The following GPM6A variants were observed in gnomAD, a reference collection of about 807,000 sequenced individuals.
GPM6A encodes the protein neuronal membrane glycoprotein M6-a.
Under a neutral mutation model 32.1 loss-of-function variants are expected in GPM6A, and 7 were observed. The ratio of observed to expected loss-of-function variants is 0.22; its 90% CI spans 0.12 to 0.41. The LOEUF (loss-of-function observed/expected upper bound fraction) is 0.41, where lower values mean the gene tolerates loss of function less well. Ranked by LOEUF, GPM6A falls within the 10% of genes least tolerant of loss-of-function variation. The pLI, the probability that GPM6A is intolerant of heterozygous loss-of-function variation, is 1.00. For missense variants in GPM6A, 235 were observed against 347.2 expected (o/e 0.68, Z 2.57); for synonymous variants, 130 against 123.4 (o/e 1.05, Z -0.35).
chr4:175,933,048 G>A (rs2126316264), intron 1 of GPM6A, among the ~76,000 whole-genome samples: 1 of 151,698 alleles, frequency 6.6e-6, no homozygotes, highest in South Asian at 2.1e-4. Flanking sequence ...TATATACTTT[G>A]TACAAGAAAT....
intron 1 of GPM6A, among the ~76,000 whole-genome samples, chr4:175,934,914 A>G (rs1329749636): frequency 6.6e-6 from 1 of 152,216 alleles, no homozygotes; most frequent in East Asian, 1.9e-4. Context: ...ATCCTTAAAA[A>G]CAATAATGAT....
chr4:175,709,306 T>C (rs989142013), intron 1 of GPM6A, among the ~76,000 whole-genome samples: 13 of 151,628 alleles, frequency 8.6e-5, no homozygotes, highest in Admixed American at 4.6e-4. Flanking sequence ...TCTGTCTCTC[T>C]CTCTCTCTCT....
intron 1 of GPM6A, among the ~76,000 whole-genome samples, chr4:175,778,597 C>T (rs1733487085): frequency 7.5e-6 from 1 of 133,220 alleles, no homozygotes; most frequent in Admixed American, 8.9e-5. Context: ...TGCACTCCAG[C>T]CTGGCAACAG....
intron 1 of GPM6A, among the ~76,000 whole-genome samples, chr4:175,753,328 T>C (rs980115136): frequency 2.6e-5 from 4 of 152,114 alleles, no homozygotes; most frequent in Non-Finnish European, 1.5e-5. Context: ...AGAAAGAAAT[T>C]ATAAAGATAC....
intron 1 of GPM6A, among the ~76,000 whole-genome samples, chr4:175,945,082 A>C (rs892472390): frequency 6.6e-6 from 1 of 151,832 alleles, no homozygotes; most frequent in African/African-American, 2.4e-5. Flanking sequence ...TTTTTTAAAA[A>C]AAATTATTCA....
intron 1 of GPM6A, among the ~76,000 whole-genome samples, chr4:175,770,359 C>A (rs1217955430): frequency 6.6e-6 from 1 of 152,130 alleles, no homozygotes; most frequent in Non-Finnish European, 1.5e-5. Flanking sequence ...TCTGTGGCTG[C>A]CAGGCTGGCT....
intron 1 of GPM6A, among the ~76,000 whole-genome samples, chr4:175,719,033 T>C (rs1745981446): frequency 2.6e-5 from 4 of 152,186 alleles, no homozygotes; most frequent in Admixed American, 2.6e-4. Flanking sequence ...CTAAGACATT[T>C]GCAGATACAA....
chr4:175,654,706 A>G (rs184161186), intron 3 of GPM6A, among the ~76,000 whole-genome samples: 191 of 152,290 alleles, frequency 1.3e-3, no homozygotes, highest in Non-Finnish European at 2.3e-3. Context: ...CTGAAAGTGA[A>G]GAAATCTTCT....
At chr4:175,825,060 C>G (rs190347776) in intron 1 of GPM6A, among the ~76,000 whole-genome samples, 4 of 152,266 alleles carry the variant, frequency 2.6e-5, no homozygotes, top group African/African-American at 9.6e-5. Context: ...GTATAAATTT[C>G]TAGATACTTT....
intron 1 of GPM6A, among the ~76,000 whole-genome samples, chr4:175,935,517 C>A (rs1382578817): frequency 6.6e-6 from 1 of 152,038 alleles, no homozygotes; most frequent in African/African-American, 2.4e-5. Flanking sequence ...TTTCTAAAAC[C>A]ACTACTGGAA....
In GPM6A at chr4:175,931,667, A is replaced by AATAT. The variant is rs375147884; in HGVS notation, c.-23+70638_-23+70641dup. ...CATTTCTGACAGACATGTGTTAAAAAATATACACACACACACACACACACA... is the reference window on the plus strand; with the variant it reads ...CATTTCTGACAGACATGTGTTAAAAAATATATATACACACACACACACACACACA... On this transcript the variant is annotated intron_variant, in intron 1 of 7. Transcript: ENST00000280187. Among the ~76,000 whole-genome samples the AATAT allele has an allele frequency of 4.2e-3, 552 of 131,666 alleles. 4 individuals carry two copies. Among genetic ancestry groups the AATAT allele is most frequent in the African/African-American group, 0.015 (517 of 34,836 alleles). 86.4% of individuals were successfully genotyped at this position (131,666 alleles called of 152,430 possible). A position where few individuals can be genotyped will look rare whatever the true frequency, so the allele number is the denominator to read the frequency against.
intron 1 of GPM6A, among the ~76,000 whole-genome samples, chr4:175,843,286 T>G (rs1300832458): frequency 1.3e-5 from 2 of 152,228 alleles, no homozygotes; most frequent in African/African-American, 4.8e-5. Flanking sequence ...TATCATTAAC[T>G]TTGGTTTCTC....
chr4:175,729,850 GTA>G (rs1731339999), intron 1 of GPM6A, among the ~76,000 whole-genome samples: 1 of 143,404 alleles, frequency 7.0e-6, no homozygotes, highest in African/African-American at 2.5e-5. Context: ...TGTATTTAAT[GTA>G]TATATGTATT....
chr4:175,892,737 A>G (rs1737685380), intron 1 of GPM6A, among the ~76,000 whole-genome samples: 1 of 152,194 alleles, frequency 6.6e-6, no homozygotes, highest in Non-Finnish European at 1.5e-5. Flanking sequence ...TGAATATACA[A>G]GAATCATCTT....
intron 1 of GPM6A, among the ~76,000 whole-genome samples, chr4:175,860,596 G>C (rs1560968589): frequency 1.3e-5 from 2 of 152,108 alleles, no homozygotes; most frequent in African/African-American, 4.8e-5. Flanking sequence ...GCGTAGCACA[G>C]AATGAAAATA....
At chr4:175,638,355 G>A (rs988337574) in intron 6 of GPM6A, among the ~76,000 whole-genome samples, 1 of 151,816 alleles carries the variant, frequency 6.6e-6, no homozygotes, top group South Asian at 2.1e-4. Flanking sequence ...GAAATACTTA[G>A]GTCAATCATT....
intron 1 of GPM6A, among the ~76,000 whole-genome samples, chr4:175,915,050 T>C (rs1322999687): frequency 6.6e-6 from 1 of 152,186 alleles, no homozygotes; most frequent in Non-Finnish European, 1.5e-5. Context: ...TTGACTGTTA[T>C]TTCTTTCCCA....
intron 1 of GPM6A, among the ~76,000 whole-genome samples, chr4:175,779,355 C>T (rs1309578861): frequency 1.3e-5 from 2 of 152,186 alleles, no homozygotes; most frequent in Non-Finnish European, 2.9e-5. Context: ...GTATACTAGA[C>T]ATCCTCCTCA....
chr4:175,816,358 CA>C (rs1453885601), upstream of GPM6A, among the ~76,000 whole-genome samples: 1 of 152,118 alleles, frequency 6.6e-6, no homozygotes, highest in Non-Finnish European at 1.5e-5. Flanking sequence ...AATTCTCTTT[CA>C]TTTTTCTTAA....
Sources: allele counts gnomAD v4.1 joint callset (sites outside exome capture counted in the v4.1 genomes callset), GRCh38; gene constraint gnomAD v4.1.1; transcripts MANE v1.5; gene names NCBI Gene and HGNC (gene_info 2026-07-23, HGNC 2026-07-21).